Variants in PLCL1 observed in about 807,000 individuals in gnomAD.
The protein encoded by PLCL1 is inactive phospholipase C-like protein 1.
A neutral mutation model predicts 84.4 loss-of-function variants in PLCL1; 41 were observed. That is an observed-to-expected ratio of 0.49 (90% CI 0.38 to 0.63). PLCL1 has a LOEUF of 0.63. Ranked by LOEUF, PLCL1 falls within the 30% of genes least tolerant of loss-of-function variation. The probability of loss-of-function intolerance (pLI) is 0.00; values close to 1 mark genes in which losing one functional copy is unlikely to be tolerated. For missense variants in PLCL1, 1,206 were observed against 1,367.8 expected (o/e 0.88, Z 1.87); for synonymous variants, 490 against 488.3 (o/e 1.00, Z -0.05).
intron 5 of PLCL1, among the ~76,000 whole-genome samples, chr2:198,119,925 T>C (rs558132888): frequency 6.6e-6 from 1 of 152,018 alleles, no homozygotes; most frequent in East Asian, 2.0e-4. Context: ...CACACCTTGA[T>C]CTATGTGACA....
intron 1 of PLCL1, among the ~76,000 whole-genome samples, chr2:198,078,128 G>A (rs60094631): frequency 0.046 from 6,935 of 152,138 alleles, 509 homozygotes; most frequent in African/African-American, 0.16. Flanking sequence ...AGTTTTGTCC[G>A]TATCAAATCC....
chr2:198,083,740 T>C lies in PLCL1; in HGVS notation c.241-18T>C. On this transcript the variant is annotated intron_variant, in intron 1 of 5. Transcript: ENST00000428675. ...TTTCTAAAGGAAATTGATTCATTTT[T>C]TTCAAATTATTTTACAGGATCCTTC... 3 of 1,524,426 alleles carry C rather than the reference T, an allele frequency of 2.0e-6. No individual in the cohort carries two copies. Among genetic ancestry groups the C allele is most frequent in the Non-Finnish European group, 2.7e-6 (3 of 1,130,908 alleles). 94.4% of individuals were successfully genotyped at this position (1,524,426 alleles called of 1,614,324 possible).
At chr2:198,027,983 A>T (rs919856582) in intron 1 of PLCL1, among the ~76,000 whole-genome samples, 7 of 152,028 alleles carry the variant, frequency 4.6e-5, no homozygotes, top group Non-Finnish European at 8.8e-5. Flanking sequence ...ACAGTTATGC[A>T]CTACCATGCT....
chr2:197,883,216 A>G lies in PLCL1; in HGVS notation c.240+77877A>G, dbSNP rs142593020. Among the ~76,000 whole-genome samples the G allele has an allele frequency of 4.3e-3, 656 of 152,328 alleles. 3 individuals carry two copies. Among genetic ancestry groups the G allele is most frequent in the Middle Eastern group, 6.8e-3 (2 of 294 alleles). On this transcript the variant is annotated intron_variant, in intron 1 of 5. Transcript: ENST00000428675. ...TGTAATTATATTTAAATGAAAAAGTAAAAGGAAAAAATCCTTCCTTTTGAT... is the reference window on the plus strand; with the variant it reads ...TGTAATTATATTTAAATGAAAAAGTGAAAGGAAAAAATCCTTCCTTTTGAT...
chr2:198,022,523 T>C (rs1272070882), intron 1 of PLCL1, among the ~76,000 whole-genome samples: 2 of 152,192 alleles, frequency 1.3e-5, no homozygotes, highest in African/African-American at 4.8e-5. Context: ...CCAAAACTCC[T>C]TAAGCTGATA....
intron 1 of PLCL1, among the ~76,000 whole-genome samples, chr2:197,915,283 G>A (rs530358226): frequency 2.0e-5 from 3 of 152,282 alleles, no homozygotes; most frequent in African/African-American, 7.2e-5. Context: ...AGTGATAGCG[G>A]TGTCAACAAT....
intron 1 of PLCL1, among the ~76,000 whole-genome samples, chr2:197,880,622 C>T (rs769677524): frequency 2.0e-5 from 3 of 152,068 alleles, no homozygotes; most frequent in African/African-American, 7.2e-5. Context: ...GAAGATGCTT[C>T]GTTAGGATTT....
intron 1 of PLCL1, among the ~76,000 whole-genome samples, chr2:198,077,122 T>C (rs1474855446): frequency 6.6e-6 from 1 of 152,160 alleles, no homozygotes; most frequent in African/African-American, 2.4e-5. Flanking sequence ...TCTCACTTAG[T>C]ATATGGTAGT....
intron 1 of PLCL1, among the ~76,000 whole-genome samples, chr2:198,014,841 G>A (rs895488306): frequency 6.6e-6 from 1 of 152,038 alleles, no homozygotes; most frequent in African/African-American, 2.4e-5. Flanking sequence ...GTACAGAAGT[G>A]TTCTACTTGT....
At chr2:198,056,422 G>A (rs1234730071) in intron 1 of PLCL1, among the ~76,000 whole-genome samples, 1 of 152,146 alleles carries the variant, frequency 6.6e-6, no homozygotes, top group Non-Finnish European at 1.5e-5. Context: ...GGAGACCAAG[G>A]CCTCTGAGTC....
At chr2:197,887,757 T>C (rs1687948711) in intron 1 of PLCL1, among the ~76,000 whole-genome samples, 1 of 152,100 alleles carries the variant, frequency 6.6e-6, no homozygotes, top group African/African-American at 2.4e-5. Context: ...GAGTCTCCAG[T>C]GTCTATTATT....
intron 5 of PLCL1, among the ~76,000 whole-genome samples, chr2:198,130,887 A>G (rs903752540): frequency 6.6e-6 from 1 of 152,098 alleles, no homozygotes; most frequent in African/African-American, 2.4e-5. Context: ...ACTCCATAGC[A>G]TAGAGCTGGA....
chr2:198,135,918 G>A (rs1694245632), intron 5 of PLCL1, among the ~76,000 whole-genome samples: 1 of 152,152 alleles, frequency 6.6e-6, no homozygotes, highest in South Asian at 2.1e-4. Flanking sequence ...CAATGTTGTA[G>A]CCTCTAAATT....
At chr2:197,876,749 T>A (rs191351052) in intron 1 of PLCL1, among the ~76,000 whole-genome samples, 97 of 152,276 alleles carry the variant, frequency 6.4e-4, no homozygotes, top group African/African-American at 2.2e-3. Context: ...TTGAGGTTGT[T>A]CAGATATTTT....
chr2:197,970,833 T>C (rs1247309525), intron 1 of PLCL1, among the ~76,000 whole-genome samples: 2 of 152,256 alleles, frequency 1.3e-5, no homozygotes, highest in African/African-American at 4.8e-5. Context: ...TCTCCATTTA[T>C]ATGTAGTTTA....
chr2:198,087,919 A>G (rs1692925195), intron 2 of PLCL1, among the ~76,000 whole-genome samples: 1 of 152,222 alleles, frequency 6.6e-6, no homozygotes, highest in Non-Finnish European at 1.5e-5. Flanking sequence ...CCCACGGCAC[A>G]GTTAAATACT....
At chr2:197,976,992 C>T (rs1282400962) in intron 1 of PLCL1, among the ~76,000 whole-genome samples, 1 of 152,102 alleles carries the variant, frequency 6.6e-6, no homozygotes, top group Non-Finnish European at 1.5e-5. Flanking sequence ...TCATGTGGAC[C>T]GTTTGGTCTG....
chr2:197,968,022 T>C lies in PLCL1; in HGVS notation c.241-115736T>C, dbSNP rs140364032. Among the ~76,000 whole-genome samples the C allele has an allele frequency of 1.5e-3, 223 of 152,344 alleles. 5 individuals carry two copies. The East Asian group carries it at 0.032, about 22-fold the overall frequency. On this transcript the variant is annotated intron_variant, in intron 1 of 5. Transcript: ENST00000428675. Reference sequence around the variant, plus strand: ...CTGGCTGAGTAGCTTCTTGAGAACATAGCCATTATTGAGCTTAATTGTCTT... The same window carrying C: ...CTGGCTGAGTAGCTTCTTGAGAACACAGCCATTATTGAGCTTAATTGTCTT...
chr2:198,110,133 C>T (rs1574319433), intron 5 of PLCL1, among the ~76,000 whole-genome samples: 2 of 151,682 alleles, frequency 1.3e-5, no homozygotes, highest in Non-Finnish European at 2.9e-5. Flanking sequence ...ATGGTCATTC[C>T]TATTAAATAT....
Sources: gnomAD v4.1 joint callset for allele counts (sites outside exome capture counted in the v4.1 genomes callset) on GRCh38, gnomAD v4.1.1 for gene constraint, MANE v1.5 for transcripts, NCBI Gene and HGNC (gene_info 2026-07-23, HGNC 2026-07-21) for gene names.